The following PCDH9 variants were observed in gnomAD, a reference collection of about 807,000 sequenced individuals.
The protein encoded by PCDH9 is protocadherin-9.
Under a neutral mutation model 70.6 loss-of-function variants are expected in PCDH9, and 24 were observed. The ratio of observed to expected loss-of-function variants is 0.34; its 90% CI spans 0.25 to 0.48. The LOEUF (loss-of-function observed/expected upper bound fraction) is 0.48. Among genes scored for constraint, PCDH9 ranks in the 20% least tolerant of loss-of-function variants. The pLI, the probability that PCDH9 is intolerant of heterozygous loss-of-function variation, is 0.99. For missense variants in PCDH9, 1,281 were observed against 1,503.6 expected, an observed-to-expected ratio of 0.85 and a Z score of 2.45; for synonymous variants, 562 against 558.5, an observed-to-expected ratio of 1.01 and a Z score of -0.09.
At chr13:66,547,504 G>A (rs939015182) in intron 4 of PCDH9, among the ~76,000 whole-genome samples, 1 of 152,104 alleles carries the variant, frequency 6.6e-6, no homozygotes, top group Admixed American at 6.6e-5. Context: ...GTGCAAAGGT[G>A]ATTACGTTCT....
chr13:66,635,086 C>T (rs2077620384), intron 3 of PCDH9, among the ~76,000 whole-genome samples: 1 of 152,142 alleles, frequency 6.6e-6, no homozygotes. Flanking sequence ...TGGAAATAAG[C>T]TCAGTCTGGG....
At chr13:66,329,833 T>C (rs1746283614) in intron 4 of PCDH9, among the ~76,000 whole-genome samples, 4 of 152,170 alleles carry the variant, frequency 2.6e-5, no homozygotes, top group South Asian at 2.1e-4. Flanking sequence ...GATAGCACTA[T>C]ATATATGAAT....
At chr13:66,519,836 G>T (rs529782341) in intron 4 of PCDH9, among the ~76,000 whole-genome samples, 39 of 152,226 alleles carry the variant, frequency 2.6e-4, no homozygotes, top group African/African-American at 9.1e-4. Flanking sequence ...AGGATGACTA[G>T]CTTTACAGAC....
intron 4 of PCDH9, among the ~76,000 whole-genome samples, chr13:66,339,014 G>A (rs1372236251): frequency 6.6e-6 from 1 of 152,010 alleles, no homozygotes; most frequent in Non-Finnish European, 1.5e-5. Flanking sequence ...TATGATTTGA[G>A]ATTATTAATG....
chr13:66,981,432 C>T (rs1198825003), intron 2 of PCDH9, among the ~76,000 whole-genome samples: 34 of 141,788 alleles, frequency 2.4e-4, no homozygotes, highest in Admixed American at 7.0e-5. Context: ...AGCGAGACTC[C>T]CTCTCAAAAA....
intron 4 of PCDH9, among the ~76,000 whole-genome samples, chr13:66,567,924 C>T (rs1324897758): frequency 6.6e-6 from 1 of 152,098 alleles, no homozygotes; most frequent in African/African-American, 2.4e-5. Context: ...ATATGTTTTT[C>T]TCATTTATAT....
intron 2 of PCDH9, among the ~76,000 whole-genome samples, chr13:67,160,440 G>A (rs1268800120): frequency 1.3e-5 from 2 of 151,950 alleles, no homozygotes; most frequent in Admixed American, 6.6e-5. Context: ...CCAGCTATTC[G>A]GGAGACTGAG....
intron 4 of PCDH9, among the ~76,000 whole-genome samples, chr13:66,452,929 T>C (rs138224793): frequency 9.2e-5 from 14 of 152,200 alleles, no homozygotes; most frequent in African/African-American, 3.4e-4. Context: ...AATATGCTCA[T>C]CCATCTATCC....
intron 4 of PCDH9, among the ~76,000 whole-genome samples, chr13:66,615,015 T>C (rs1399271257): frequency 2.0e-5 from 3 of 152,166 alleles, no homozygotes; most frequent in Non-Finnish European, 4.4e-5. Context: ...AAAAACACTT[T>C]CAAATAAGGA....
At chr13:66,569,104 C>A (rs961178439) in intron 4 of PCDH9, among the ~76,000 whole-genome samples, 12 of 142,598 alleles carry the variant, frequency 8.4e-5, no homozygotes, top group African/African-American at 2.6e-4. Context: ...TGAGTTCAAG[C>A]AATTATCTTG....
chr13:66,630,518 T>A (rs1025094503), intron 4 of PCDH9, among the ~76,000 whole-genome samples: 1 of 152,128 alleles, frequency 6.6e-6, no homozygotes, highest in Non-Finnish European at 1.5e-5. Flanking sequence ...CAATGCTTAT[T>A]TGGAGTGGGC....
intron 4 of PCDH9, among the ~76,000 whole-genome samples, chr13:66,533,923 T>C (rs555568376): frequency 6.6e-6 from 1 of 152,194 alleles, no homozygotes; most frequent in Non-Finnish European, 1.5e-5. Flanking sequence ...TGACTTTTTT[T>C]GTTCTTTCTA....
intron 2 of PCDH9, among the ~76,000 whole-genome samples, chr13:67,167,480 A>T (rs1005641594): frequency 6.6e-6 from 1 of 152,148 alleles, no homozygotes; most frequent in African/African-American, 2.4e-5. Flanking sequence ...ATTGGGAGAA[A>T]AGTTTGATGA....
chr13:67,012,134 A>G (rs1370612932), intron 2 of PCDH9, among the ~76,000 whole-genome samples: 3 of 151,660 alleles, frequency 2.0e-5, no homozygotes, highest in African/African-American at 4.8e-5. Context: ...AAATCATTCT[A>G]CGGTTTCTTT....
chr13:66,525,281 G>T (rs557112916), intron 4 of PCDH9, among the ~76,000 whole-genome samples: 1 of 152,144 alleles, frequency 6.6e-6, no homozygotes, highest in East Asian at 1.9e-4. Flanking sequence ...CATTCCCCCA[G>T]TTTACCACCT....
At chr13:67,097,326 C>T (rs1459742731) in intron 2 of PCDH9, among the ~76,000 whole-genome samples, 2 of 151,704 alleles carry the variant, frequency 1.3e-5, no homozygotes, top group African/African-American at 4.8e-5. Context: ...AAAAGCTATC[C>T]TGTTAATTTA....
At chr13:66,909,508 G>A (rs373422421) in intron 2 of PCDH9, among the ~76,000 whole-genome samples, 11 of 152,078 alleles carry the variant, frequency 7.2e-5, no homozygotes, top group African/African-American at 2.4e-4. Context: ...AGTGGCTCAC[G>A]CCTGTAATCC....
At chr13:66,867,724 C>A (rs2081601558) in intron 3 of PCDH9, among the ~76,000 whole-genome samples, 1 of 151,924 alleles carries the variant, frequency 6.6e-6, no homozygotes, top group South Asian at 2.1e-4. Flanking sequence ...CTTTCAAAAA[C>A]CTTATAATGT....
chr13:66,975,719 G>C (rs1038421859), intron 2 of PCDH9, among the ~76,000 whole-genome samples: 1 of 151,954 alleles, frequency 6.6e-6, no homozygotes, highest in African/African-American at 2.4e-5. Context: ...TATGTGCCAG[G>C]AACCAGATAA....
Sources: allele counts gnomAD v4.1 joint callset (sites outside exome capture counted in the v4.1 genomes callset), GRCh38; gene constraint gnomAD v4.1.1; transcripts MANE v1.5; gene names NCBI Gene and HGNC (gene_info 2026-07-23, HGNC 2026-07-21).